Variants in METTL24 observed in about 807,000 individuals in gnomAD.
The protein encoded by METTL24 is probable methyltransferase-like protein 24.
METTL24 carries 29 observed loss-of-function variants against 32.7 expected under a neutral mutation model. That is an observed-to-expected ratio of 0.89 (90% confidence interval 0.66 to 1.21). The LOEUF (loss-of-function observed/expected upper bound fraction) is 1.21, where lower values mean the gene tolerates loss of function less well. METTL24 is among the 50% of genes most tolerant of loss of function. METTL24 has a pLI of 0.00. For missense variants in METTL24, 439 were observed against 468.1 expected, an observed-to-expected ratio of 0.94 and a Z score of 0.57; for synonymous variants, 163 against 179.5, an observed-to-expected ratio of 0.91 and a Z score of 0.73.
chr6:110,347,651 C>T (rs1284243323), intron 1 of METTL24, among the ~76,000 whole-genome samples: 2 of 152,156 alleles, frequency 1.3e-5, no homozygotes, highest in African/African-American at 4.8e-5. Context: ...TAGTAAGTGA[C>T]CCAGTTAATA....
chr6:110,275,413 G>A (rs1304609208), intron 4 of METTL24, among the ~76,000 whole-genome samples: 7 of 151,870 alleles, frequency 4.6e-5, no homozygotes, highest in Admixed American at 4.6e-4. Flanking sequence ...CTATGCCCTT[G>A]CATTTACCAT....
In METTL24 at chr6:110,244,606, T is replaced by C. The variant is rs1778114743; in HGVS notation, c.*1340A>G. 6.6e-6 allele frequency among the ~76,000 whole-genome samples: 1 copy of C among 152,052 alleles called. No individual in the cohort carries two copies. The highest frequency in any genetic ancestry group is 1.5e-5 in the Non-Finnish European group (1 of 68,002). ...CGTGGTGGAAGGGGAAGCAAACACATCCTTCTTCATATGGCAGCAGGAAGG... is the reference window on the plus strand; with the variant it reads ...CGTGGTGGAAGGGGAAGCAAACACACCCTTCTTCATATGGCAGCAGGAAGG... On this transcript the variant is annotated 3_prime_UTR_variant, in exon 5 of 5. Coordinates refer to ENST00000338882, the MANE Select transcript of METTL24 (RefSeq NM_001123364.3).
intron 4 of METTL24, among the ~76,000 whole-genome samples, chr6:110,296,299 T>C (rs1001504927): frequency 6.6e-6 from 1 of 152,204 alleles, no homozygotes; most frequent in Non-Finnish European, 1.5e-5. Context: ...AAACTTCAGA[T>C]TCAATATTTC....
rs1279478088 is a variant in METTL24 at position 110,315,500 on chromosome 6, A to C, written c.418-19T>G. 7.4e-6 allele frequency: 12 copies of C among 1,612,558 alleles called. No homozygotes were observed. The highest frequency in any genetic ancestry group is 1.0e-5 in the Non-Finnish European group (12 of 1,179,222). ...ATGCAATCTGTAAAGATTGGAAATC[A>C]ATGTGAATAATTTGAAATGTTGGAT... On this transcript the variant is annotated intron_variant, in intron 2 of 4. Coordinates refer to ENST00000338882, the MANE Select transcript of METTL24 (RefSeq NM_001123364.3).
intron 4 of METTL24, chr6:110,254,217 T>TTG (rs1778339010): frequency 3.2e-6 from 1 of 308,072 alleles, no homozygotes. Flanking sequence ...GCAACTAAGT[T>TTG]TGTGTGTGTG....
rs926646197 is a variant in METTL24 at position 110,270,571 on chromosome 6, C to A, written c.787-24311G>T. On this transcript the variant is annotated intron_variant, in intron 4 of 4. Transcript: ENST00000338882. ...GACATTTTTCAGGCGCCAAAGAGAG[C>A]TCTGAATTTAGTTACATAGAATGAG... Among the ~76,000 whole-genome samples the A allele has an allele frequency of 4.6e-5, 7 of 152,148 alleles. No individual in the cohort carries two copies. In the South Asian group the frequency reaches 1.5e-3, roughly 32 times the overall value.
At chr6:110,307,106 T>C (rs992141236) in intron 3 of METTL24, among the ~76,000 whole-genome samples, 5 of 152,192 alleles carry the variant, frequency 3.3e-5, no homozygotes, top group Non-Finnish European at 7.3e-5. Context: ...CACAGTACAA[T>C]ATTCAGTATC....
chr6:110,263,388 G>A (rs7758018), intron 4 of METTL24, among the ~76,000 whole-genome samples: 10,908 of 152,064 alleles, frequency 0.072, 579 homozygotes, highest in African/African-American at 0.16. Flanking sequence ...AAAGAGAATA[G>A]AATACCTAGG....
intron 3 of METTL24, among the ~76,000 whole-genome samples, chr6:110,309,733 T>A (rs1263550542): frequency 6.6e-6 from 1 of 152,118 alleles, no homozygotes; most frequent in Non-Finnish European, 1.5e-5. Flanking sequence ...ATGATTCAAT[T>A]ATCTCAAACC....
rs889358308 is a variant in METTL24, at chr6:110,245,735, C to A, written c.*211G>T. Reference sequence around the variant, plus strand: ...AGTTAAGGTGAAGGAAGAGTCTGGGCAAATAGGGGTGACTGTGTTTATCCC... The same window carrying A: ...AGTTAAGGTGAAGGAAGAGTCTGGGAAAATAGGGGTGACTGTGTTTATCCC... On this transcript the variant is annotated 3_prime_UTR_variant, in exon 5 of 5. Coordinates refer to ENST00000338882, the MANE Select transcript of METTL24 (RefSeq NM_001123364.3). 6.6e-6 allele frequency among the ~76,000 whole-genome samples: 1 copy of A among 152,116 alleles called. No homozygotes were observed. Among genetic ancestry groups the A allele is most frequent in the Non-Finnish European group, 1.5e-5 (1 of 68,030 alleles).
At chr6:110,339,395 C>T (rs921604800) in intron 1 of METTL24, among the ~76,000 whole-genome samples, 2 of 152,176 alleles carry the variant, frequency 1.3e-5, no homozygotes, top group Admixed American at 6.5e-5. Context: ...AAAATGAGTT[C>T]TCTTTCCTAA....
chr6:110,290,231 G>C (rs1386207074), intron 4 of METTL24, among the ~76,000 whole-genome samples: 2 of 152,004 alleles, frequency 1.3e-5, no homozygotes, highest in African/African-American at 4.8e-5. Flanking sequence ...GACAACTTTT[G>C]ACGAATGTAT....
intron 4 of METTL24, 90 bp from the exon 5 acceptor site, chr6:110,246,350 CAG>C: frequency 8.2e-7 from 1 of 1,218,740 alleles, no homozygotes; most frequent in Non-Finnish European, 1.1e-6. Context: ...CTGAAGGAAA[CAG>C]AATTTTTAAA....
intron 3 of METTL24, among the ~76,000 whole-genome samples, chr6:110,299,617 G>C (rs1771484854): frequency 6.6e-6 from 1 of 152,108 alleles, no homozygotes; most frequent in Non-Finnish European, 1.5e-5. Flanking sequence ...GACAACAGCT[G>C]TTTTCTTAGA....
At chr6:110,263,512 G>C (rs1582387640) in intron 4 of METTL24, among the ~76,000 whole-genome samples, 1 of 152,172 alleles carries the variant, frequency 6.6e-6, no homozygotes, top group Non-Finnish European at 1.5e-5. Flanking sequence ...TCATGGGTAG[G>C]AATAATCAAT....
chr6:110,293,063 G>C (rs1348158548), intron 4 of METTL24, among the ~76,000 whole-genome samples: 1 of 151,772 alleles, frequency 6.6e-6, no homozygotes, highest in African/African-American at 2.4e-5. Context: ...ATCAGAATTT[G>C]ATTGGTTATT....
At chr6:110,327,660 CTCTT>C (rs1436123728) in intron 1 of METTL24, among the ~76,000 whole-genome samples, 1 of 152,202 alleles carries the variant, frequency 6.6e-6, no homozygotes, top group Non-Finnish European at 1.5e-5. Flanking sequence ...CTTTTATCAT[CTCTT>C]TCAATTATCA....
intron 1 of METTL24, among the ~76,000 whole-genome samples, chr6:110,332,881 C>A (rs940033484): frequency 1.3e-5 from 2 of 151,332 alleles, no homozygotes; most frequent in Non-Finnish European, 2.9e-5. Flanking sequence ...TGCACTCTAG[C>A]CTGGGCAACA....
At chr6:110,286,185 C>A (rs1173127856) in intron 4 of METTL24, among the ~76,000 whole-genome samples, 1 of 152,168 alleles carries the variant, frequency 6.6e-6, no homozygotes, top group Non-Finnish European at 1.5e-5. Flanking sequence ...GCTGCAGAAA[C>A]TGACAGCCAG....
Sources: allele counts gnomAD v4.1 joint callset (sites outside exome capture counted in the v4.1 genomes callset), GRCh38; gene constraint gnomAD v4.1.1; transcripts MANE v1.5; gene names NCBI Gene and HGNC (gene_info 2026-07-23, HGNC 2026-07-21).